Variants in HLTF observed in about 807,000 individuals in gnomAD.
HLTF encodes DNA-dependent ATPase/E3 ubiquitin-protein ligase HLTF.
Under a neutral mutation model 129.4 loss-of-function variants are expected in HLTF, and 127 were observed. The observed-to-expected ratio is 0.98, with a 90% confidence interval of 0.85 to 1.14. The LOEUF is 1.14. Among genes scored for constraint, HLTF ranks in the 50% most tolerant of loss-of-function variants. The probability of loss-of-function intolerance (pLI) is 0.00; values close to 1 mark genes in which losing one functional copy is unlikely to be tolerated. For missense variants in HLTF, 1,139 were observed against 1,187.1 expected, an observed-to-expected ratio of 0.96 and a Z score of 0.60; for synonymous variants, 332 against 388.8, an observed-to-expected ratio of 0.85 and a Z score of 1.72.
At chr3:149,038,984 A>C (rs1296637260) in intron 23 of HLTF, 65 bp downstream of exon 23, 2 of 923,036 alleles carry the variant, frequency 2.2e-6, no homozygotes, top group African/African-American at 3.4e-5. Flanking sequence ...TTTACCAAAT[A>C]GTTTTTTGTC....
At chr3:149,084,544 G>C (rs1302857742) in intron 2 of HLTF, 138 bp downstream of exon 2, 2 of 669,484 alleles carry the variant, frequency 3.0e-6, no homozygotes, top group Non-Finnish European at 2.5e-6. Context: ...TAAGGTATTT[G>C]TTATTTTTTG....
intron 18 of HLTF, among the ~76,000 whole-genome samples, chr3:149,042,920 G>A (rs1441265302): frequency 6.6e-6 from 1 of 151,968 alleles, no homozygotes; most frequent in African/African-American, 2.4e-5. Context: ...CTAGCAAATA[G>A]CTAGTCCAAG....
chr3:149,038,993 T>C (rs779909164), intron 23 of HLTF, 56 bp downstream of exon 23: 8 of 1,049,432 alleles, frequency 7.6e-6, no homozygotes, highest in East Asian at 2.7e-5. Flanking sequence ...TAGTTTTTTG[T>C]CTTATTTTTT....
intron 24 of HLTF, among the ~76,000 whole-genome samples, chr3:149,032,964 A>G (rs980002644): frequency 4.4e-4 from 61 of 137,816 alleles, no homozygotes; most frequent in Non-Finnish European, 1.4e-4. Context: ...TCTCAAAAAA[A>G]AAAAAAAAAA....
chr3:149,063,784 C>T (rs1047372194), intron 9 of HLTF, among the ~76,000 whole-genome samples: 1 of 151,976 alleles, frequency 6.6e-6, no homozygotes, highest in Admixed American at 6.6e-5. Context: ...GAATGTCTTG[C>T]TGTACCAAGG....
chr3:149,034,891 C>T (rs1404108193), intron 24 of HLTF, 27 bp downstream of exon 24: 2 of 1,481,488 alleles, frequency 1.3e-6, no homozygotes, highest in East Asian at 4.5e-5. Context: ...TCAACCTAGT[C>T]TTAAAATAGT....
At position 149,042,731 on chromosome 3, in the gene HLTF, A is replaced by G. The variant is rs554015787; in HGVS notation, c.2073-441T>C. Among the ~76,000 whole-genome samples the G allele has an allele frequency of 1.8e-4, 28 of 152,242 alleles. No homozygotes were observed. In the South Asian group the frequency reaches 5.8e-3, roughly 32 times the overall value. Reference sequence around the variant, plus strand: ...AACATACAGGTGCACTGTATTTTCAAAAAAAGACTATGGGCACAGCACTCT... The same window carrying G: ...AACATACAGGTGCACTGTATTTTCAGAAAAAGACTATGGGCACAGCACTCT... On this transcript the variant is annotated intron_variant, in intron 18 of 24. Transcript: ENST00000310053.
In HLTF at chr3:149,042,238, A is replaced by G; in HGVS notation, c.2125T>C (p.Leu709=). The part of the protein sequence containing the change: ...LAHYADVLGL[L]LRLRQICCHT... ...CAACAAATTTGCCGCAGTCTAAGCA[A>G]AAGACCCAGGACATCTGCATAATGT... is the stretch of plus-strand genomic sequence containing the variant. The change falls in exon 19 of 25, where the codon TTG becomes CTG. Residue 709 remains leucine (L), a synonymous_variant. Transcript: ENST00000310053. 7 of 1,613,154 alleles carry G rather than the reference A, an allele frequency of 4.3e-6. No individual in the cohort carries two copies. The highest frequency in any genetic ancestry group is 5.9e-6 in the Non-Finnish European group (7 of 1,179,192).
intron 15 of HLTF, among the ~76,000 whole-genome samples, chr3:149,049,431 A>C (rs1470177917): frequency 6.6e-6 from 1 of 152,230 alleles, no homozygotes; most frequent in Admixed American, 6.5e-5. Context: ...TTTTACTAGA[A>C]GACTGAAATT....
At chr3:149,081,703 G>A (rs1719891577) in intron 2 of HLTF, among the ~76,000 whole-genome samples, 1 of 152,076 alleles carries the variant, frequency 6.6e-6, no homozygotes. Context: ...TAAAAAAATG[G>A]CACATTTTAT....
At position 149,046,275 on chromosome 3, in the gene HLTF, CAAAT is replaced by C. The variant is rs1186720829; in HGVS notation, c.1893-20_1893-17del. 4 of 1,320,388 alleles carry C rather than the reference CAAAT, an allele frequency of 3.0e-6. No individual in the cohort carries two copies. The highest frequency in any genetic ancestry group is 2.7e-5 in the South Asian group (2 of 73,836). The allele number at this position is 1,320,388 out of a possible 1,614,324, so 81.8% of individuals were successfully genotyped here. A position where few individuals can be genotyped will look rare whatever the true frequency, so the allele number is the denominator to read the frequency against. ...CTGTAAACGCCTAATCAGAATAAAACAAATAATTATGTAACTTTTAATTTCTACA... is the reference window on the plus strand; with the variant it reads ...CTGTAAACGCCTAATCAGAATAAAACAATTATGTAACTTTTAATTTCTACA... On this transcript the variant is annotated splice_polypyrimidine_tract_variant and intron_variant, in intron 17 of 24. Transcript: ENST00000310053.
intron 10 of HLTF, 55 bp from the exon 11 acceptor site, chr3:149,060,913 T>C: frequency 8.8e-7 from 1 of 1,131,106 alleles, no homozygotes; most frequent in Non-Finnish European, 1.3e-6. Context: ...CAAAATAAGA[T>C]ATACAAACAT....
intron 5 of HLTF, among the ~76,000 whole-genome samples, chr3:149,072,202 A>G (rs1244075718): frequency 6.6e-6 from 1 of 152,218 alleles, no homozygotes; most frequent in Non-Finnish European, 1.5e-5. Context: ...AAGAATATAA[A>G]AGAATTTTAA....
rs191436273 is a variant in HLTF, at chr3:149,039,971, G to A, written c.2502+60C>T. 95 of 1,424,288 alleles carry A rather than the reference G, an allele frequency of 6.7e-5. 1 individual carries two copies. Among genetic ancestry groups the A allele is most frequent in the Non-Finnish European group, 2.1e-5 (22 of 1,031,688 alleles). The allele number at this position is 1,424,288 out of a possible 1,614,324, so 88.2% of individuals were successfully genotyped here. ...CAGAATTACGATTTTGATATACTGT[G>A]TATATTTCCTTATATAAAGGTAAAA... On this transcript the variant is annotated intron_variant, in intron 21 of 24. Transcript: ENST00000310053.
Position 149,064,842 on chromosome 3 carries a change from T to C in HLTF, c.1015A>G (p.Met339Val), listed in dbSNP as rs201380908. ...CTGGTATTGTTTCCTCCAAGTTTCA[T>C]AGAGTCATCGTTAACATTATATTCC... Reference protein sequence around the residue: ...KKEYNVNDDSMKLGGNNTSEK... With the variant: ...KKEYNVNDDSVKLGGNNTSEK... Residue 339 changes from methionine to valine, a missense_variant, in exon 9 of 25, where the codon ATG (methionine) becomes GTG (valine). Transcript: ENST00000310053. 58 of 1,597,590 alleles carry C rather than the reference T, an allele frequency of 3.6e-5. No homozygotes were observed. The highest frequency in any genetic ancestry group is 3.3e-4 in the Middle Eastern group (2 of 6,052).
chr3:149,070,059 A>G (rs1718717815), intron 7 of HLTF, among the ~76,000 whole-genome samples: 1 of 152,174 alleles, frequency 6.6e-6, no homozygotes, highest in African/African-American at 2.4e-5. Context: ...TATTCATTCA[A>G]TGAGCAAGAT....
chr3:149,061,836 C>CAA (rs770669148), intron 10 of HLTF, among the ~76,000 whole-genome samples: 5 of 65,810 alleles, frequency 7.6e-5, no homozygotes, highest in East Asian at 4.3e-4. Flanking sequence ...AACTCTGTCT[C>CAA]AAAAAAAAAA....
At chr3:149,054,710 G>A (rs911370112) in intron 14 of HLTF, among the ~76,000 whole-genome samples, 3 of 152,128 alleles carry the variant, frequency 2.0e-5, no homozygotes, top group African/African-American at 7.2e-5. Flanking sequence ...AATTTCTGAT[G>A]GGTAGTGTTA....
rs751105039 is a variant in HLTF at position 149,032,049 on chromosome 3, A to T, written c.*171T>A. 2 of 433,236 alleles carry T rather than the reference A, an allele frequency of 4.6e-6. No homozygotes were observed. The highest frequency in any genetic ancestry group is 8.0e-6 in the Non-Finnish European group (2 of 251,304). 26.8% of individuals were successfully genotyped at this position (433,236 alleles called of 1,614,324 possible). On this transcript the variant is annotated 3_prime_UTR_variant, in exon 25 of 25. Transcript: ENST00000310053. ...ACTTATTGCTATTTGAAGTTTCATTAAAAATAGGTTCATATATAGAAGAAA... is the reference window on the plus strand; with the variant it reads ...ACTTATTGCTATTTGAAGTTTCATTTAAAATAGGTTCATATATAGAAGAAA...
Sources: allele counts gnomAD v4.1 joint callset (sites outside exome capture counted in the v4.1 genomes callset), GRCh38; gene constraint gnomAD v4.1.1; transcripts MANE v1.5; gene names NCBI Gene and HGNC (gene_info 2026-07-23, HGNC 2026-07-21).